ULK4: variants seen among roughly 807,000 people sequenced by gnomAD.
The protein encoded by ULK4 is inactive serine/threonine-protein kinase ULK4.
A neutral mutation model predicts 160.6 loss-of-function variants in ULK4; 133 were observed. The observed-to-expected ratio is 0.83, with a 90% confidence interval of 0.72 to 0.96. The LOEUF (loss-of-function observed/expected upper bound fraction) is 0.96. Ranked by LOEUF, ULK4 falls within the 40% of genes least tolerant of loss-of-function variation. The pLI is 0.00. For missense variants in ULK4, 1,580 were observed against 1,499.5 expected, an observed-to-expected ratio of 1.05 and a Z score of -0.89; for synonymous variants, 534 against 539.8, an observed-to-expected ratio of 0.99 and a Z score of 0.15.
chr3:41,771,067 A>G (rs562748098), intron 21 of ULK4, among the ~76,000 whole-genome samples: 23 of 152,350 alleles, frequency 1.5e-4, no homozygotes, highest in African/African-American at 5.5e-4. Flanking sequence ...CTTATATTTG[A>G]AACACTGAAT....
intron 2 of ULK4, among the ~76,000 whole-genome samples, chr3:41,941,293 C>T (rs909592401): frequency 1.0e-4 from 15 of 149,664 alleles, no homozygotes; most frequent in Admixed American, 2.0e-4. Context: ...CCACCTCAGC[C>T]TCCCAAAGTG....
At chr3:41,853,317 A>C (rs180732058) in intron 17 of ULK4, among the ~76,000 whole-genome samples, 25 of 152,250 alleles carry the variant, frequency 1.6e-4, no homozygotes, top group Non-Finnish European at 2.4e-4. Flanking sequence ...TGCACATGAG[A>C]ATCACCCATA....
intron 34 of ULK4, among the ~76,000 whole-genome samples, chr3:41,438,977 T>TA (rs2083097706): frequency 1.6e-5 from 2 of 125,178 alleles, no homozygotes; most frequent in African/African-American, 7.3e-5. Context: ...CCAGGAAAAT[T>TA]TAAAAAAAAA....
intron 25 of ULK4, among the ~76,000 whole-genome samples, chr3:41,714,237 C>A (rs2037189952): frequency 6.6e-6 from 1 of 152,148 alleles, no homozygotes; most frequent in Admixed American, 6.5e-5. Context: ...TGAAATTGAG[C>A]ACAAAGGGAC....
At chr3:41,809,916 A>G (rs1226026848) in intron 19 of ULK4, among the ~76,000 whole-genome samples, 1 of 152,212 alleles carries the variant, frequency 6.6e-6, no homozygotes, top group Non-Finnish European at 1.5e-5. Context: ...ACAATAGAAA[A>G]CATACTCAAT....
chr3:41,585,156 G>GA (rs748693874), intron 31 of ULK4, among the ~76,000 whole-genome samples: 21 of 150,284 alleles, frequency 1.4e-4, no homozygotes, highest in East Asian at 3.9e-4. Context: ...TGTAGAAATA[G>GA]AAAAAAAAAT....
intron 21 of ULK4, 147 bp downstream of exon 21, chr3:41,789,514 T>C (rs2040088135): frequency 1.6e-6 from 1 of 623,558 alleles, no homozygotes; most frequent in African/African-American, 1.9e-5. Context: ...CAGATGAACA[T>C]TCTGTGGTAC....
chr3:41,848,795 T>G (rs761276123), intron 17 of ULK4, among the ~76,000 whole-genome samples: 14 of 152,170 alleles, frequency 9.2e-5, no homozygotes, highest in Non-Finnish European at 1.6e-4. Flanking sequence ...CCTTTGACCT[T>G]GTTCATTTTC....
intron 35 of ULK4, among the ~76,000 whole-genome samples, chr3:41,350,893 CT>C (rs1427630983): frequency 6.6e-6 from 1 of 152,200 alleles, no homozygotes; most frequent in African/African-American, 2.4e-5. Context: ...CACAAGACAA[CT>C]GCTTCTACCA....
intron 22 of ULK4, among the ~76,000 whole-genome samples, chr3:41,726,759 C>T (rs1244379419): frequency 1.3e-5 from 2 of 152,176 alleles, no homozygotes; most frequent in East Asian, 1.9e-4. Flanking sequence ...TACAAGTATG[C>T]GCCACCACGC....
chr3:41,320,912 C>G (rs776235876), intron 35 of ULK4, among the ~76,000 whole-genome samples: 4 of 152,020 alleles, frequency 2.6e-5, no homozygotes, highest in Non-Finnish European at 4.4e-5. Flanking sequence ...GTGACACTGT[C>G]TCAAAATAAT....
At chr3:41,761,623 A>G (rs1054362693) in intron 21 of ULK4, among the ~76,000 whole-genome samples, 1 of 151,900 alleles carries the variant, frequency 6.6e-6, no homozygotes, top group African/African-American at 2.4e-5. Context: ...TAAATAGATT[A>G]GATATTATGG....
intron 35 of ULK4, among the ~76,000 whole-genome samples, chr3:41,341,784 GCTTA>G (rs1162517441): frequency 6.6e-6 from 1 of 152,158 alleles, no homozygotes; most frequent in Non-Finnish European, 1.5e-5. Flanking sequence ...CATTCCTACA[GCTTA>G]CTTTCCTATG....
chr3:41,578,878 A>G (rs1388368738), intron 31 of ULK4, among the ~76,000 whole-genome samples: 1 of 152,250 alleles, frequency 6.6e-6, no homozygotes. Context: ...TCCAAAGTCC[A>G]GAAGAGAACT....
intron 31 of ULK4, among the ~76,000 whole-genome samples, chr3:41,572,922 T>C (rs2088052444): frequency 6.6e-6 from 1 of 152,114 alleles, no homozygotes; most frequent in African/African-American, 2.4e-5. Context: ...TCGCACTGGC[T>C]GATGGGGAAA....
intron 32 of ULK4, among the ~76,000 whole-genome samples, chr3:41,537,044 T>G (rs1214231900): frequency 6.6e-6 from 1 of 152,200 alleles, no homozygotes; most frequent in Non-Finnish European, 1.5e-5. Context: ...CTGACACTGC[T>G]TCTTCTACAT....
chr3:41,496,496 C>A (rs531553640), intron 32 of ULK4, among the ~76,000 whole-genome samples: 4 of 151,814 alleles, frequency 2.6e-5, no homozygotes, highest in Non-Finnish European at 5.9e-5. Context: ...TGACAGGGTC[C>A]AAGTAGAAGT....
intron 32 of ULK4, among the ~76,000 whole-genome samples, chr3:41,475,689 T>C (rs2084119627): frequency 6.6e-6 from 1 of 152,174 alleles, no homozygotes; most frequent in Non-Finnish European, 1.5e-5. Flanking sequence ...AAAAGTTCAC[T>C]GATTTGACAA....
intron 20 of ULK4, among the ~76,000 whole-genome samples, chr3:41,790,741 ATC>A (rs1383811163): frequency 6.6e-6 from 1 of 152,216 alleles, no homozygotes; most frequent in East Asian, 1.9e-4. Flanking sequence ...AAACCTTATG[ATC>A]TATCTAGAAA....
Sources: allele counts gnomAD v4.1 joint callset (sites outside exome capture counted in the v4.1 genomes callset), GRCh38; gene constraint gnomAD v4.1.1; transcripts MANE v1.5; gene names NCBI Gene and HGNC (gene_info 2026-07-23, HGNC 2026-07-21).